Variants in CALCRL observed in about 807,000 individuals in gnomAD.
The protein encoded by CALCRL is calcitonin gene-related peptide type 1 receptor.
CALCRL carries 27 observed loss-of-function variants against 60.4 expected under a neutral mutation model. That is an observed-to-expected ratio of 0.45 (90% CI 0.33 to 0.62). The LOEUF (loss-of-function observed/expected upper bound fraction) is 0.62, where lower values mean the gene tolerates loss of function less well. Ranked by LOEUF, CALCRL falls within the 20% of genes least tolerant of loss-of-function variation. CALCRL has a pLI of 0.03. For missense variants in CALCRL, 424 were observed against 540.7 expected (o/e 0.78, Z 2.14); for synonymous variants, 190 against 182.6 (o/e 1.04, Z -0.33).
rs1574340281 is a variant in CALCRL at position 187,448,052 on chromosome 2, T to C, written c.-306A>G. On this transcript the variant is annotated 5_prime_UTR_variant, in exon 1 of 15. Transcript: ENST00000392370. ...ATGTGCACTTACCCAGTCCAGCTCT[T>C]AAGGAAATTCTTTGTGAAATATTCT... 1 of 152,260 alleles carries C rather than the reference T, an allele frequency of 6.6e-6. No homozygotes were observed. The highest frequency in any genetic ancestry group is 2.4e-5 in the African/African-American group (1 of 41,570). 9.4% of individuals were successfully genotyped at this position (152,260 alleles called of 1,614,324 possible). A position where few individuals can be genotyped will look rare whatever the true frequency, so the allele number is the denominator to read the frequency against.
At chr2:187,349,557 A>C (rs1041961750) in intron 14 of CALCRL, among the ~76,000 whole-genome samples, 2 of 151,654 alleles carry the variant, frequency 1.3e-5, no homozygotes, top group Admixed American at 6.6e-5. Context: ...TTAAGAAGAG[A>C]AATGAATCAT....
At chr2:187,358,144 A>G (rs1036437686) in intron 12 of CALCRL, among the ~76,000 whole-genome samples, 7 of 152,090 alleles carry the variant, frequency 4.6e-5, no homozygotes, top group Non-Finnish European at 7.4e-5. Context: ...GCAGCCCAAG[A>G]GTTCAAGACC....
rs932622792 is a variant in CALCRL at position 187,358,187 on chromosome 2, TA to T, written c.909+875del. Among the ~76,000 whole-genome samples the T allele has an allele frequency of 4.0e-5, 6 of 151,330 alleles. No homozygotes were observed. The South Asian group carries it at 8.4e-4, about 21-fold the overall frequency. On this transcript the variant is annotated intron_variant, in intron 12 of 14. Transcript: ENST00000392370. Reference sequence around the variant, plus strand: ...GCAACATAGTGAGATCCTGTCTCTATAAAAAAAAATTTTTAAAAATTATCCA... The same window carrying T: ...GCAACATAGTGAGATCCTGTCTCTATAAAAAAAATTTTTAAAAATTATCCA...
intron 8 of CALCRL, among the ~76,000 whole-genome samples, chr2:187,377,775 C>G (rs1298458255): frequency 2.0e-5 from 3 of 152,006 alleles, no homozygotes; most frequent in African/African-American, 7.2e-5. Flanking sequence ...AATTATTTAG[C>G]TGCTCAAATG....
chr2:187,423,827 T>C (rs1690005498), intron 1 of CALCRL, among the ~76,000 whole-genome samples: 1 of 152,056 alleles, frequency 6.6e-6, no homozygotes, highest in African/African-American at 2.4e-5. Flanking sequence ...TATTATTAGT[T>C]ATACAGTAAA....
intron 1 of CALCRL, among the ~76,000 whole-genome samples, chr2:187,445,595 A>C (rs1691141679): frequency 6.6e-6 from 1 of 151,560 alleles, no homozygotes; most frequent in Non-Finnish European, 1.5e-5. Flanking sequence ...TCTAGTTAGA[A>C]ATATATAATG....
intron 1 of CALCRL, among the ~76,000 whole-genome samples, chr2:187,403,795 A>T (rs1688997072): frequency 6.6e-6 from 1 of 151,794 alleles, no homozygotes; most frequent in African/African-American, 2.4e-5. Context: ...AACTGCTGTA[A>T]TTTTACACAT....
rs1044695183 is a variant in CALCRL, at chr2:187,344,884, T to C, written c.*1300A>G. On this transcript the variant is annotated 3_prime_UTR_variant, in exon 15 of 15. Coordinates refer to ENST00000392370, the MANE Select transcript of CALCRL (RefSeq NM_005795.6). The stretch of plus-strand genomic sequence containing the variant: ...TATTTATCACAGTAGTTGTTTAAAA[T>C]TTCTGGATTAGAATGTGAGTTCATT... 5 of 151,724 alleles carry C rather than the reference T, an allele frequency of 3.3e-5. No homozygotes were observed. Among genetic ancestry groups the C allele is most frequent in the African/African-American group, 1.2e-4 (5 of 41,376 alleles). The allele number at this position is 151,724 out of a possible 1,614,324, so 9.4% of individuals were successfully genotyped here. A position where few individuals can be genotyped will look rare whatever the true frequency, so the allele number is the denominator to read the frequency against.
At chr2:187,370,596 T>A (rs1036032385) in intron 8 of CALCRL, among the ~76,000 whole-genome samples, 4 of 152,172 alleles carry the variant, frequency 2.6e-5, no homozygotes, top group Admixed American at 2.0e-4. Context: ...ATTTATAGCT[T>A]TATATTTTTT....
intron 1 of CALCRL, among the ~76,000 whole-genome samples, chr2:187,395,692 T>A (rs778389235): frequency 2.6e-5 from 4 of 152,022 alleles, no homozygotes; most frequent in Non-Finnish European, 5.9e-5. Flanking sequence ...AGTATTCTAC[T>A]GCTTTTGAGG....
rs1023479416 is a variant in CALCRL, at chr2:187,400,845, A to G, written c.-292-13089T>C. ...ATATCCAAAATAGGCAAATCTATAAAGGTGAAGGAGCTATTGGGGGTTACC... is the reference window on the plus strand; with the variant it reads ...ATATCCAAAATAGGCAAATCTATAAGGGTGAAGGAGCTATTGGGGGTTACC... On this transcript the variant is annotated intron_variant, in intron 1 of 14. Transcript: ENST00000392370. 5.3e-5 allele frequency among the ~76,000 whole-genome samples: 8 copies of G among 151,568 alleles called. No individual in the cohort carries two copies. The South Asian group carries it at 1.7e-3, about 31-fold the overall frequency.
At chr2:187,434,643 G>A (rs1574323735) in intron 1 of CALCRL, among the ~76,000 whole-genome samples, 2 of 152,148 alleles carry the variant, frequency 1.3e-5, no homozygotes, top group African/African-American at 2.4e-5. Flanking sequence ...CAGGAGATAT[G>A]TTAACAAAAT....
chr2:187,426,242 A>ATTT (rs35722786), intron 1 of CALCRL, among the ~76,000 whole-genome samples: 2 of 146,868 alleles, frequency 1.4e-5, no homozygotes, highest in Non-Finnish European at 3.0e-5. Context: ...GTCATTTATT[A>ATTT]TTTTTTTTTT....
intron 1 of CALCRL, among the ~76,000 whole-genome samples, chr2:187,397,999 A>T (rs1688730950): frequency 6.6e-6 from 1 of 151,580 alleles, no homozygotes; most frequent in African/African-American, 2.4e-5. Context: ...TAATGTACTT[A>T]CTCACGGGAC....
chr2:187,381,767 C>T (rs1452435064), intron 5 of CALCRL, among the ~76,000 whole-genome samples: 3 of 152,094 alleles, frequency 2.0e-5, no homozygotes, highest in African/African-American at 7.2e-5. Flanking sequence ...AAGTAATTTT[C>T]TAACTTGTCA....
chr2:187,415,722 CT>C, intron 1 of CALCRL: 2 of 542,884 alleles, frequency 3.7e-6, no homozygotes, highest in Admixed American at 2.5e-5. Context: ...ACTCTTCCAC[CT>C]TCAGTGAGGG....
rs764357347 is a variant in CALCRL at position 187,383,230 on chromosome 2, T to C, written c.127A>G (p.Thr43Ala). 12 of 1,612,812 alleles carry C rather than the reference T, an allele frequency of 7.4e-6. No homozygotes were observed. The highest frequency in any genetic ancestry group is 2.2e-5 in the South Asian group (2 of 90,954). ...TTTTGGTAACATTCATATTGAGCTG[T>C]CATGATTTTATTTCTAGTAACTCCC... ...QLGVTRNKIM[T>A]AQYECYQKIM... The change falls in exon 5 of 15, where the codon ACA becomes GCA. Residue 43 changes from threonine to alanine, a missense_variant. This residue lies in a region of CALCRL where 108 missense variants were observed against 132.9 expected (regional missense o/e 0.81). Coordinates refer to ENST00000392370, the MANE Select transcript of CALCRL (RefSeq NM_005795.6).
In CALCRL at chr2:187,383,320, A is replaced by G. The variant is rs1559053400; in HGVS notation, c.52-15T>C. On this transcript the variant is annotated splice_polypyrimidine_tract_variant and intron_variant, in intron 4 of 14. Coordinates refer to ENST00000392370, the MANE Select transcript of CALCRL (RefSeq NM_005795.6). The stretch of plus-strand genomic sequence containing the variant: ...GTAACAAGAATCTAAGGGATTAAAA[A>G]AACAACAACATCAACTTCATGAAAA... The G allele has an allele frequency of 6.3e-7, 1 of 1,579,468 alleles. No homozygotes were observed. The highest frequency in any genetic ancestry group is 8.6e-7 in the Non-Finnish European group (1 of 1,166,986).
intron 12 of CALCRL, among the ~76,000 whole-genome samples, chr2:187,358,176 T>G (rs140456603): frequency 6.6e-6 from 1 of 151,962 alleles, no homozygotes; most frequent in South Asian, 2.1e-4. Context: ...CATAGTGAGA[T>G]CCTGTCTCTA....
Sources: allele counts gnomAD v4.1 joint callset (sites outside exome capture counted in the v4.1 genomes callset), GRCh38; gene constraint gnomAD v4.1.1; regional missense constraint gnomAD v4.1.1; transcripts MANE v1.5; gene names NCBI Gene and HGNC (gene_info 2026-07-23, HGNC 2026-07-21).